Variants in SLC35F4 observed in about 807,000 individuals in gnomAD.
The protein encoded by SLC35F4 is chromosome 14 open reading frame 36.
Under a neutral mutation model 44.2 loss-of-function variants are expected in SLC35F4, and 24 were observed. That is an observed-to-expected ratio of 0.54 (90% CI 0.39 to 0.76). The LOEUF is 0.76. SLC35F4 is among the 30% of genes least tolerant of loss of function. The pLI, the probability that SLC35F4 is intolerant of heterozygous loss-of-function variation, is 0.00. For synonymous variants in SLC35F4, 238 were observed against 223.6 expected (o/e 1.06, Z -0.57); for missense variants, 562 against 586.1 (o/e 0.96, Z 0.42).
chr14:57,975,377 C>T (rs2141097478), downstream of SLC35F4, among the ~76,000 whole-genome samples: 1 of 152,280 alleles, frequency 6.6e-6, no homozygotes, highest in Admixed American at 6.5e-5. Context: ...CTTTCAGGGC[C>T]CCACACATTC....
At chr14:57,850,400 C>G (rs1008375312) in intron 1 of SLC35F4, among the ~76,000 whole-genome samples, 3 of 152,166 alleles carry the variant, frequency 2.0e-5, no homozygotes, top group African/African-American at 7.2e-5. Context: ...AAAATTATCA[C>G]CTCCTCAAGA....
At chr14:57,647,394 T>C (rs1333678919) in intron 1 of SLC35F4, among the ~76,000 whole-genome samples, 1 of 152,182 alleles carries the variant, frequency 6.6e-6, no homozygotes, top group East Asian at 1.9e-4. Context: ...TCTTTGTCTC[T>C]TTTGATCTTT....
intron 1 of SLC35F4, among the ~76,000 whole-genome samples, chr14:57,747,064 T>C (rs151014322): frequency 1.3e-3 from 205 of 152,282 alleles, no homozygotes; most frequent in Non-Finnish European, 6.8e-4. Context: ...ATCCATTCCA[T>C]TGGGACATTC....
intron 1 of SLC35F4, among the ~76,000 whole-genome samples, chr14:57,895,474 C>G (rs924354492): frequency 2.6e-5 from 4 of 152,048 alleles, no homozygotes; most frequent in Admixed American, 2.6e-4. Flanking sequence ...GTGATCAGAT[C>G]ACAGGGGAAG....
At chr14:57,725,108 A>G (rs1485664521) in intron 1 of SLC35F4, among the ~76,000 whole-genome samples, 1 of 152,188 alleles carries the variant, frequency 6.6e-6, no homozygotes, top group Non-Finnish European at 1.5e-5. Flanking sequence ...ACCCCAGCAG[A>G]GGAGGATTTT....
intron 1 of SLC35F4, among the ~76,000 whole-genome samples, chr14:57,687,186 C>T (rs548439203): frequency 6.6e-6 from 1 of 152,242 alleles, no homozygotes; most frequent in Non-Finnish European, 1.5e-5. Context: ...CATTTAAGCT[C>T]CCCAGTCTGT....
chr14:57,685,092 A>G (rs918451397), intron 1 of SLC35F4, among the ~76,000 whole-genome samples: 1 of 152,138 alleles, frequency 6.6e-6, no homozygotes, highest in East Asian at 1.9e-4. Context: ...AAATAAATCT[A>G]TATTTTTTAT....
intron 1 of SLC35F4, among the ~76,000 whole-genome samples, chr14:57,911,356 T>A (rs1889213160): frequency 1.3e-5 from 2 of 152,032 alleles, no homozygotes; most frequent in African/African-American, 4.8e-5. Flanking sequence ...CATCTTCACC[T>A]TGTTCCTCAT....
At chr14:57,846,838 T>C (rs1467012762) in intron 1 of SLC35F4, among the ~76,000 whole-genome samples, 3 of 152,310 alleles carry the variant, frequency 2.0e-5, no homozygotes, top group South Asian at 2.1e-4. Context: ...GTACATACCA[T>C]AGGCCCCAGC....
rs545422829 is a variant in SLC35F4 at position 57,849,040 on chromosome 14, A to G, written c.103+16683T>C. 2.0e-3 allele frequency among the ~76,000 whole-genome samples: 299 copies of G among 152,304 alleles called. 1 individual carries two copies. The highest frequency in any genetic ancestry group is 7.0e-3 in the African/African-American group (291 of 41,566). On this transcript the variant is annotated intron_variant, in intron 1 of 7. Coordinates refer to ENST00000556826, the MANE Select transcript of SLC35F4 (RefSeq NM_001306087.2). ...TGTAGCATGCTAACTTGATAATTTG[A>G]AAGTGGTATATAATGCCAGACCCTT...
At chr14:57,632,882 C>G (rs1039158579) in intron 1 of SLC35F4, among the ~76,000 whole-genome samples, 2 of 152,050 alleles carry the variant, frequency 1.3e-5, no homozygotes, top group Non-Finnish European at 2.9e-5. Context: ...CTTTGCCTCC[C>G]TCCCTATCCA....
intron 1 of SLC35F4, among the ~76,000 whole-genome samples, chr14:57,805,084 C>T (rs986725222): frequency 6.6e-6 from 1 of 152,084 alleles, no homozygotes; most frequent in Admixed American, 6.6e-5. Context: ...CCATCTCACA[C>T]CAGTCAGAGT....
chr14:57,833,552 TC>T (rs971127860), intron 1 of SLC35F4, among the ~76,000 whole-genome samples: 1 of 152,108 alleles, frequency 6.6e-6, no homozygotes, highest in Non-Finnish European at 1.5e-5. Context: ...TCAAAAAACC[TC>T]CCCTGGGTGA....
At chr14:57,934,603 T>C (rs915270066) in intron 1 of SLC35F4, among the ~76,000 whole-genome samples, 2 of 151,954 alleles carry the variant, frequency 1.3e-5, no homozygotes, top group Non-Finnish European at 2.9e-5. Flanking sequence ...CAGAAGTAAG[T>C]GGCCAGAAAG....
intron 1 of SLC35F4, among the ~76,000 whole-genome samples, chr14:57,855,267 A>C (rs146775954): frequency 6.6e-6 from 1 of 152,360 alleles, no homozygotes; most frequent in East Asian, 1.9e-4. Context: ...GAATGGGAGA[A>C]AATTTTTGCA....
chr14:57,830,523 A>G (rs145409699), intron 1 of SLC35F4, among the ~76,000 whole-genome samples: 178 of 152,348 alleles, frequency 1.2e-3, no homozygotes, highest in African/African-American at 4.0e-3. Flanking sequence ...GATATTTCTT[A>G]GAAAACCTGA....
chr14:57,590,226 C>CAAAAAAAAAAA (rs55850524), intron 2 of SLC35F4, among the ~76,000 whole-genome samples: 53 of 119,152 alleles, frequency 4.4e-4, no homozygotes, highest in African/African-American at 1.6e-3. Flanking sequence ...CTTGTCTATG[C>CAAAAAAAAAAA]AAAAAAAAAA....
chr14:57,804,832 A>T (rs1881111801), intron 1 of SLC35F4, among the ~76,000 whole-genome samples: 1 of 152,174 alleles, frequency 6.6e-6, no homozygotes, highest in Admixed American at 6.5e-5. Flanking sequence ...TGAACAGACA[A>T]CCTAAAGAAT....
At chr14:57,704,158 G>A (rs182968541) in intron 1 of SLC35F4, among the ~76,000 whole-genome samples, 155 of 152,290 alleles carry the variant, frequency 1.0e-3, no homozygotes, top group African/African-American at 3.5e-3. Context: ...AAATTTTATT[G>A]CTTGACCTTG....
Sources: gnomAD v4.1 joint callset for allele counts (sites outside exome capture counted in the v4.1 genomes callset) on GRCh38, gnomAD v4.1.1 for gene constraint, MANE v1.5 for transcripts, NCBI Gene and HGNC (gene_info 2026-07-23, HGNC 2026-07-21) for gene names.